PLXNA4: variants seen among roughly 807,000 people sequenced by gnomAD.
PLXNA4 encodes the protein plexin-A4.
In PLXNA4, 44 loss-of-function variants were observed where a neutral mutation model predicts 191.8. That is an observed-to-expected ratio of 0.23 (90% CI 0.18 to 0.29). The LOEUF is 0.29. Among genes scored for constraint, PLXNA4 ranks in the 10% least tolerant of loss-of-function variants. The pLI, the probability that PLXNA4 is intolerant of heterozygous loss-of-function variation, is 1.00. For synonymous variants in PLXNA4, 1,082 were observed against 1,009.5 expected, an observed-to-expected ratio of 1.07 and a Z score of -1.36; for missense variants, 1,800 against 2,488.8, an observed-to-expected ratio of 0.72 and a Z score of 5.89.
At position 132,612,807 on chromosome 7, in the gene PLXNA4, T is replaced by C. The variant is rs997173367; in HGVS notation, c.-87+33121A>G. 5.9e-5 allele frequency among the ~76,000 whole-genome samples: 9 copies of C among 152,178 alleles called. No individual in the cohort carries two copies. In the South Asian group the frequency reaches 1.0e-3, roughly 18 times the overall value. ...GATATTTTGCAGCACCCCTGAGCAG[T>C]TGTGACAACCCAAACTGTCTCTAGG... On this transcript the variant is annotated intron_variant, in intron 2 of 4. Transcript: ENST00000378539.
intron 1 of PLXNA4, among the ~76,000 whole-genome samples, chr7:132,569,156 C>T (rs1801863242): frequency 6.6e-6 from 1 of 152,230 alleles, no homozygotes; most frequent in African/African-American, 2.4e-5. Flanking sequence ...CTGTGCCTCA[C>T]CACCACAGAC....
At chr7:132,531,648 G>A (rs1799618680) in intron 1 of PLXNA4, among the ~76,000 whole-genome samples, 1 of 152,188 alleles carries the variant, frequency 6.6e-6, no homozygotes, top group African/African-American at 2.4e-5. Flanking sequence ...TAGAACCGCT[G>A]TAATAGAGCC....
rs530556588 is a variant in PLXNA4, at chr7:132,490,561, G to A, written c.1189-1087C>T. On this transcript the variant is annotated intron_variant, in intron 2 of 31. Coordinates refer to ENST00000321063, the MANE Select transcript of PLXNA4 (RefSeq NM_020911.2). ...CAACCTCAGCCTCCCAAGTAGCTGGGACCACAAGCATGTGCCACCATGCCT... is the reference window on the plus strand; with the variant it reads ...CAACCTCAGCCTCCCAAGTAGCTGGAACCACAAGCATGTGCCACCATGCCT... Among the ~76,000 whole-genome samples, 7 of 151,728 alleles carry A rather than the reference G, an allele frequency of 4.6e-5. No individual in the cohort carries two copies. In the East Asian group the frequency reaches 9.7e-4, roughly 21 times the overall value.
intron 1 of PLXNA4, among the ~76,000 whole-genome samples, chr7:132,529,628 C>T (rs1263099838): frequency 1.2e-4 from 16 of 128,998 alleles, no homozygotes; most frequent in African/African-American, 2.7e-4. Context: ...TTTTTTGAGA[C>T]GGAGTCTTGC....
intron 3 of PLXNA4, among the ~76,000 whole-genome samples, chr7:132,360,672 A>G (rs1334037588): frequency 1.3e-5 from 2 of 152,190 alleles, no homozygotes; most frequent in African/African-American, 4.8e-5. Flanking sequence ...CCCCCCATAG[A>G]GTTGTTGCAG....
intron 2 of PLXNA4, among the ~76,000 whole-genome samples, chr7:132,602,531 T>A (rs1311252260): frequency 1.3e-5 from 2 of 152,192 alleles, no homozygotes; most frequent in African/African-American, 2.4e-5. Context: ...TTAAAAAATA[T>A]TTGCTTTTGT....
chr7:132,338,678 CAATA>C (rs1236606412), intron 3 of PLXNA4, among the ~76,000 whole-genome samples: 9 of 152,154 alleles, frequency 5.9e-5, no homozygotes, highest in Middle Eastern at 3.2e-3. Flanking sequence ...GCTCAACATT[CAATA>C]AATAATTACT....
At chr7:132,236,503 G>A (rs1179201089) in intron 5 of PLXNA4, among the ~76,000 whole-genome samples, 5 of 152,108 alleles carry the variant, frequency 3.3e-5, no homozygotes, top group Admixed American at 2.0e-4. Context: ...GCAAGCAACC[G>A]AGTCACTTGG....
intron 2 of PLXNA4, among the ~76,000 whole-genome samples, chr7:132,598,783 A>T (rs372526788): frequency 6.6e-6 from 1 of 152,184 alleles, no homozygotes; most frequent in Admixed American, 6.5e-5. Context: ...CTGAATTTTG[A>T]TATGATTATG....
chr7:132,563,509 T>C (rs1801477814), intron 1 of PLXNA4, among the ~76,000 whole-genome samples: 1 of 44,888 alleles, frequency 2.2e-5, no homozygotes, highest in African/African-American at 4.4e-5. Flanking sequence ...CTCCTCCTCC[T>C]CCTCCTGCTG....
chr7:132,210,873 C>T (rs1797776266), intron 10 of PLXNA4, 70 bp downstream of exon 10: 2 of 1,534,010 alleles, frequency 1.3e-6, no homozygotes. Context: ...TGATTTGGCT[C>T]CTAGAAGACA....
intron 3 of PLXNA4, among the ~76,000 whole-genome samples, chr7:132,353,111 T>G (rs904950793): frequency 1.3e-5 from 2 of 152,258 alleles, no homozygotes; most frequent in Non-Finnish European, 2.9e-5. Context: ...TTTTAGCTCT[T>G]CTGCCAGAGC....
intron 3 of PLXNA4, among the ~76,000 whole-genome samples, chr7:132,469,119 C>CAAAAAA (rs5887577): frequency 2.3e-5 from 2 of 87,424 alleles, no homozygotes; most frequent in African/African-American, 8.7e-5. Context: ...GCACACCAAC[C>CAAAAAA]AAAAAAAAAA....
intron 12 of PLXNA4, among the ~76,000 whole-genome samples, chr7:132,200,428 G>T (rs1021862257): frequency 6.6e-6 from 1 of 152,200 alleles, no homozygotes; most frequent in Non-Finnish European, 1.5e-5. Context: ...AGTGAGGAGA[G>T]AAGAGGTCCA....
At chr7:132,188,837 G>A (rs1312971582) in intron 14 of PLXNA4, among the ~76,000 whole-genome samples, 1 of 151,596 alleles carries the variant, frequency 6.6e-6, no homozygotes, top group African/African-American at 2.4e-5. Flanking sequence ...AGGGGGCTGA[G>A]CCAAAAAGTG....
At chr7:132,552,150 C>A (rs73158894) in intron 1 of PLXNA4, among the ~76,000 whole-genome samples, 2 of 152,208 alleles carry the variant, frequency 1.3e-5, no homozygotes, top group Non-Finnish European at 2.9e-5. Flanking sequence ...GGAAAGCTCC[C>A]GGTGAGAGTT....
chr7:132,489,427 G>A lies in PLXNA4; in HGVS notation c.1236C>T (p.Pro412=). 1 of 1,594,466 alleles carries A rather than the reference G, an allele frequency of 6.3e-7. No homozygotes were observed. The highest frequency in any genetic ancestry group is 8.6e-7 in the Non-Finnish European group (1 of 1,163,596). The change falls in exon 3 of 32, where the codon CCC becomes CCT. Residue 412 remains proline (P), a synonymous_variant. Transcript: ENST00000321063. ...DNFCGLDMNA[P]LGVSDMVRGI... The stretch of plus-strand genomic sequence containing the variant: ...CACGCACCATGTCGGACACTCCCAG[G>A]GGAGCATTCATGTCCAGGCCACAGA...
At chr7:132,625,919 T>C (rs1803361579) in intron 2 of PLXNA4, among the ~76,000 whole-genome samples, 1 of 152,188 alleles carries the variant, frequency 6.6e-6, no homozygotes, top group Non-Finnish European at 1.5e-5. Context: ...AGGGTTTGAT[T>C]GTGGAATTCA....
At chr7:132,223,042 G>A (rs551143987) in intron 9 of PLXNA4, among the ~76,000 whole-genome samples, 38 of 152,234 alleles carry the variant, frequency 2.5e-4, no homozygotes, top group Middle Eastern at 6.8e-3. Context: ...TTGGAACCAC[G>A]CTTTGAAAAC....
Sources: allele counts gnomAD v4.1 joint callset (sites outside exome capture counted in the v4.1 genomes callset), GRCh38; gene constraint gnomAD v4.1.1; transcripts MANE v1.5; gene names NCBI Gene and HGNC (gene_info 2026-07-23, HGNC 2026-07-21).